The following POLR3B variants were observed in gnomAD, a reference collection of about 807,000 sequenced individuals.
POLR3B encodes DNA-directed RNA polymerase III subunit RPC2.
Under a neutral mutation model 147.4 loss-of-function variants are expected in POLR3B, and 96 were observed. The ratio of observed to expected loss-of-function variants is 0.65; its 90% confidence interval spans 0.55 to 0.77. The LOEUF is 0.77. Ranked by LOEUF, POLR3B falls within the 30% of genes least tolerant of loss-of-function variation. The pLI, the probability that POLR3B is intolerant of heterozygous loss-of-function variation, is 0.00. For synonymous variants in POLR3B, 461 were observed against 485.9 expected, an observed-to-expected ratio of 0.95 and a Z score of 0.67; for missense variants, 1,036 against 1,413.5, an observed-to-expected ratio of 0.73 and a Z score of 4.28.
chr12:106,499,625 A>G (rs963710346), intron 25 of POLR3B, among the ~76,000 whole-genome samples: 1 of 152,206 alleles, frequency 6.6e-6, no homozygotes, highest in Non-Finnish European at 1.5e-5. Flanking sequence ...CAACCCTACC[A>G]TTGAGGAATA....
intron 23 of POLR3B, among the ~76,000 whole-genome samples, chr12:106,489,081 T>A (rs538305885): frequency 8.5e-5 from 13 of 152,228 alleles, no homozygotes; most frequent in African/African-American, 3.1e-4. Flanking sequence ...GATTAGCACC[T>A]CCAACAAAGG....
chr12:106,508,499 A>T (rs192253695), intron 27 of POLR3B, among the ~76,000 whole-genome samples: 147 of 152,300 alleles, frequency 9.7e-4, no homozygotes, highest in Admixed American at 1.7e-3. Context: ...CAGGATTTGT[A>T]CTGGATACCT....
chr12:106,461,511 A>C (rs2037934690), intron 22 of POLR3B, among the ~76,000 whole-genome samples: 1 of 152,186 alleles, frequency 6.6e-6, no homozygotes, highest in Non-Finnish European at 1.5e-5. Context: ...GCAGGAAGAC[A>C]AGAAGTAAAA....
intron 16 of POLR3B, among the ~76,000 whole-genome samples, chr12:106,435,654 C>G (rs912734682): frequency 6.6e-6 from 1 of 152,066 alleles, no homozygotes; most frequent in Non-Finnish European, 1.5e-5. Context: ...ACAATAATGC[C>G]TGCCTAAGAT....
At chr12:106,485,630 GAA>G in intron 23 of POLR3B, among the ~76,000 whole-genome samples, 1 of 152,194 alleles carries the variant, frequency 6.6e-6, no homozygotes, top group South Asian at 2.1e-4. Context: ...GTTGCAAGAG[GAA>G]AAGACAGGAG....
intron 19 of POLR3B, among the ~76,000 whole-genome samples, chr12:106,451,879 T>C (rs1192868046): frequency 1.3e-5 from 2 of 152,120 alleles, no homozygotes; most frequent in Non-Finnish European, 2.9e-5. Context: ...ATCAAGAAAA[T>C]AGGGCTTTTT....
chr12:106,500,423 A>G (rs2038580373), intron 25 of POLR3B, among the ~76,000 whole-genome samples: 1 of 152,188 alleles, frequency 6.6e-6, no homozygotes, highest in Admixed American at 6.5e-5. Flanking sequence ...CCACCGTGAC[A>G]AAGGAGACAA....
At chr12:106,454,158 C>A (rs1264586826) in intron 19 of POLR3B, among the ~76,000 whole-genome samples, 3 of 152,202 alleles carry the variant, frequency 2.0e-5, no homozygotes, top group Non-Finnish European at 4.4e-5. Context: ...CTCTCCCCAG[C>A]AGGCCTGGAA....
At chr12:106,407,442 A>G (rs1420209952) in intron 11 of POLR3B, among the ~76,000 whole-genome samples, 1 of 152,220 alleles carries the variant, frequency 6.6e-6, no homozygotes, top group Non-Finnish European at 1.5e-5. Flanking sequence ...CAGGAGCTAC[A>G]CTTACCTTCA....
intron 19 of POLR3B, among the ~76,000 whole-genome samples, chr12:106,453,026 CTTTTTTTT>C (rs770997629): frequency 7.4e-6 from 1 of 135,960 alleles, no homozygotes; most frequent in Non-Finnish European, 1.6e-5. Flanking sequence ...TTCTTTTCTT[CTTTTTTTT>C]TTTTTTTTGA....
intron 10 of POLR3B, among the ~76,000 whole-genome samples, chr12:106,398,368 A>AGG (rs2037011611): frequency 1.3e-5 from 2 of 152,244 alleles, no homozygotes; most frequent in African/African-American, 4.8e-5. Context: ...CCACAGCTCA[A>AGG]GGAGGCCTGC....
At chr12:106,425,289 T>C (rs2037421143) in intron 12 of POLR3B, among the ~76,000 whole-genome samples, 1 of 152,154 alleles carries the variant, frequency 6.6e-6, no homozygotes, top group Non-Finnish European at 1.5e-5. Flanking sequence ...GGTTTCCTGC[T>C]CCTCCCCTAG....
chr12:106,363,076 T>C (rs1341353506), intron 1 of POLR3B, among the ~76,000 whole-genome samples: 2 of 152,156 alleles, frequency 1.3e-5, no homozygotes, highest in African/African-American at 4.8e-5. Flanking sequence ...TGCCTCCTGC[T>C]CCTCCTCTCT....
At chr12:106,398,045 C>G (rs1226697294) in intron 10 of POLR3B, among the ~76,000 whole-genome samples, 1 of 152,214 alleles carries the variant, frequency 6.6e-6, no homozygotes, top group South Asian at 2.1e-4. Context: ...ATCACCTCAC[C>G]CAGGAAGCAC....
intron 8 of POLR3B, among the ~76,000 whole-genome samples, chr12:106,378,909 G>A (rs1417761273): frequency 1.3e-5 from 2 of 152,044 alleles, no homozygotes; most frequent in Non-Finnish European, 2.9e-5. Context: ...TTATTTTCAC[G>A]TGTAATTTGA....
Position 106,454,645 on chromosome 12 carries a change from G to A in POLR3B, c.2227G>A (p.Val743Met). 1 of 1,612,192 alleles carries A rather than the reference G, an allele frequency of 6.2e-7. No homozygotes were observed. The highest frequency in any genetic ancestry group is 1.7e-4 in the Middle Eastern group (1 of 6,054). ...AGCTGGACAGAATGCAACAGTTGCT[G>A]TGATGAGCTATAGTGGCTATGATAT... ...LPAGQNATVA[V>M]MSYSGYDIED... Residue 743 changes from valine (V) to methionine (M), a missense_variant, in exon 20 of 28, where the codon GTG becomes ATG. This residue lies in a region of POLR3B where 202 missense variants were observed against 272.8 expected (regional missense o/e 0.74). Coordinates refer to ENST00000228347, the MANE Select transcript of POLR3B (RefSeq NM_018082.6).
At chr12:106,412,541 T>G (rs1359056310) in intron 12 of POLR3B, among the ~76,000 whole-genome samples, 1 of 152,222 alleles carries the variant, frequency 6.6e-6, no homozygotes, top group African/African-American at 2.4e-5. Flanking sequence ...AACCATTTGC[T>G]TTTGATAAGC....
chr12:106,399,760 T>C (rs541926725), intron 10 of POLR3B, among the ~76,000 whole-genome samples: 26 of 152,260 alleles, frequency 1.7e-4, no homozygotes, highest in African/African-American at 6.3e-4. Context: ...TAAAATACTT[T>C]ACAGACAAGC....
rs369178623 is a variant in POLR3B at position 106,369,595 on chromosome 12, G to A, written c.316G>A (p.Asp106Asn). 1 of 1,610,222 alleles carries A rather than the reference G, an allele frequency of 6.2e-7. No individual in the cohort carries two copies. The highest frequency in any genetic ancestry group is 8.5e-7 in the Non-Finnish European group (1 of 1,176,472). ...PVSPHECRLRDMTYSAPITVD... is the reference protein window; with the variant it reads ...PVSPHECRLRNMTYSAPITVD... Reference sequence around the variant, plus strand: ...GATTCTCTTTCAGTGCCGTTTGAGAGACATGACATACTCTGCCCCTATTAC... The same window carrying A: ...GATTCTCTTTCAGTGCCGTTTGAGAAACATGACATACTCTGCCCCTATTAC... Residue 106 changes from aspartate (D) to asparagine (N), a missense_variant, in exon 6 of 28, where the codon GAC becomes AAC. Physicochemically the swap from Asp to Asn is conservative, Grantham distance 23 (BLOSUM62 1). Transcript: ENST00000228347.
Sources: allele counts gnomAD v4.1 joint callset (sites outside exome capture counted in the v4.1 genomes callset), GRCh38; gene constraint gnomAD v4.1.1; regional missense constraint gnomAD v4.1.1; transcripts MANE v1.5; gene names NCBI Gene and HGNC (gene_info 2026-07-23, HGNC 2026-07-21).